PTPRD: variants seen among roughly 807,000 people sequenced by gnomAD.
PTPRD encodes receptor-type tyrosine-protein phosphatase delta.
PTPRD carries 34 observed loss-of-function variants against 214.5 expected under a neutral mutation model. The observed-to-expected ratio is 0.16, with a 90% CI of 0.12 to 0.21. PTPRD has a LOEUF of 0.21. Among genes scored for constraint, PTPRD ranks in the 10% least tolerant of loss-of-function variants. The probability of loss-of-function intolerance (pLI) is 1.00; values close to 1 mark genes in which losing one functional copy is unlikely to be tolerated. For missense variants in PTPRD, 2,545 were observed against 2,398.7 expected (o/e 1.06, Z -1.27); for synonymous variants, 1,128 against 845.7 (o/e 1.33, Z -5.79).
Position 9,333,507 on chromosome 9 carries a change from TA to T in PTPRD, c.-203+63941del, listed in dbSNP as rs1404694415. Among the ~76,000 whole-genome samples, 12 of 48,236 alleles carry T rather than the reference TA, an allele frequency of 2.5e-4. 1 individual carries two copies. The highest frequency in any genetic ancestry group is 5.3e-4 in the African/African-American group (8 of 15,038). 31.6% of individuals were successfully genotyped at this position (48,236 alleles called of 152,430 possible). A position where few individuals can be genotyped will look rare whatever the true frequency, so the allele number is the denominator to read the frequency against. On this transcript the variant is annotated intron_variant, in intron 9 of 45. Transcript: ENST00000381196. The stretch of plus-strand genomic sequence containing the variant: ...AACATATATATTATATAGTATATTA[TA>T]TATATATATATATATATAAAGTCTG...
chr9:8,814,719 G>A (rs2096885296), intron 11 of PTPRD, among the ~76,000 whole-genome samples: 2 of 152,320 alleles, frequency 1.3e-5, no homozygotes, highest in Admixed American at 6.5e-5. Context: ...AGGAAGAAGT[G>A]AGGTCCTTCA....
At chr9:8,603,135 A>G (rs1301867776) in intron 14 of PTPRD, among the ~76,000 whole-genome samples, 2 of 152,200 alleles carry the variant, frequency 1.3e-5, no homozygotes, top group African/African-American at 4.8e-5. Context: ...TATAATCCTT[A>G]CCAGAAACTA....
chr9:10,511,358 C>T (rs572349401), intron 2 of PTPRD, among the ~76,000 whole-genome samples: 17 of 152,044 alleles, frequency 1.1e-4, no homozygotes, highest in South Asian at 6.2e-4. Context: ...TCTTCCAAAG[C>T]GGTTGTACCA....
chr9:10,238,208 G>A lies in PTPRD; in HGVS notation c.-545+102755C>T, dbSNP rs151095794. On this transcript the variant is annotated intron_variant, in intron 3 of 45. Transcript: ENST00000381196. The stretch of plus-strand genomic sequence containing the variant: ...AGGACAGGAAGAAAAAGCACTCAGG[G>A]CACATAACGTTGCTTCAATAATGTA... Among the ~76,000 whole-genome samples the A allele has an allele frequency of 3.8e-3, 569 of 151,372 alleles. 6 individuals carry two copies. The highest frequency in any genetic ancestry group is 0.013 in the African/African-American group (530 of 41,388).
At chr9:9,141,768 T>G (rs1427664611) in intron 10 of PTPRD, among the ~76,000 whole-genome samples, 1 of 151,082 alleles carries the variant, frequency 6.6e-6, no homozygotes, top group African/African-American at 2.4e-5. Context: ...CATATTAATA[T>G]AAACATATTC....
intron 5 of PTPRD, among the ~76,000 whole-genome samples, chr9:9,822,517 A>G (rs1393658501): frequency 1.3e-5 from 2 of 148,282 alleles, no homozygotes; most frequent in East Asian, 1.9e-4. Context: ...TAATATATAC[A>G]TAATATATTA....
At chr9:9,878,001 G>A (rs1426454615) in intron 5 of PTPRD, among the ~76,000 whole-genome samples, 1 of 141,664 alleles carries the variant, frequency 7.1e-6, no homozygotes, top group East Asian at 2.1e-4. Context: ...AAAAATGCAT[G>A]TTTGCCCTTC....
intron 30 of PTPRD, among the ~76,000 whole-genome samples, chr9:8,482,044 G>C (rs2096898515): frequency 6.6e-6 from 1 of 151,960 alleles, no homozygotes; most frequent in Admixed American, 6.6e-5. Flanking sequence ...GCCTCCCAAA[G>C]TGCTGGGATT....
At chr9:8,584,692 A>G (rs1400445687) in intron 14 of PTPRD, among the ~76,000 whole-genome samples, 1 of 152,204 alleles carries the variant, frequency 6.6e-6, no homozygotes, top group African/African-American at 2.4e-5. Flanking sequence ...GGGTGTAAAT[A>G]TAACAAACAG....
intron 10 of PTPRD, among the ~76,000 whole-genome samples, chr9:9,071,863 G>C (rs1337908948): frequency 6.6e-6 from 1 of 152,144 alleles, no homozygotes; most frequent in Non-Finnish European, 1.5e-5. Flanking sequence ...GAAAAGTAAA[G>C]CGCTTTGTAA....
At position 10,554,380 on chromosome 9, in the gene PTPRD, C is replaced by T. The variant is rs544135172; in HGVS notation, c.-600+58018G>A. Among the ~76,000 whole-genome samples, 295 of 152,274 alleles carry T rather than the reference C, an allele frequency of 1.9e-3. 1 individual carries two copies. The highest frequency in any genetic ancestry group is 3.4e-3 in the Middle Eastern group (1 of 294). Reference sequence around the variant, plus strand: ...CAGGACCATTTCCAGGTGCAATCTTCTTAGCTCCATACTTTTTCATATCTG... The same window carrying T: ...CAGGACCATTTCCAGGTGCAATCTTTTTAGCTCCATACTTTTTCATATCTG... On this transcript the variant is annotated intron_variant, in intron 2 of 45. Coordinates refer to ENST00000381196, the MANE Select transcript of PTPRD (RefSeq NM_002839.4).
intron 11 of PTPRD, among the ~76,000 whole-genome samples, chr9:8,748,366 G>C (rs1339130626): frequency 2.0e-5 from 3 of 151,756 alleles, no homozygotes; most frequent in African/African-American, 7.3e-5. Context: ...TAAAGAAATA[G>C]CCAATCATCT....
chr9:10,031,665 C>CACACACACACACACAT (rs2097079378), intron 4 of PTPRD, among the ~76,000 whole-genome samples: 1 of 116,594 alleles, frequency 8.6e-6, no homozygotes, highest in Non-Finnish European at 1.7e-5. Context: ...CACACACACA[C>CACACACACACACACAT]ATACACACAC....
At chr9:9,438,744 T>C (rs777203713) in intron 8 of PTPRD, among the ~76,000 whole-genome samples, 3 of 152,152 alleles carry the variant, frequency 2.0e-5, no homozygotes, top group Non-Finnish European at 4.4e-5. Context: ...GAGAAGAAAA[T>C]TATGTACTAA....
At chr9:10,560,148 G>A (rs2063550332) in intron 2 of PTPRD, among the ~76,000 whole-genome samples, 2 of 152,076 alleles carry the variant, frequency 1.3e-5, no homozygotes. Context: ...GCAAAGACAT[G>A]GAACCAACCC....
chr9:10,353,512 C>T (rs2097216875), intron 2 of PTPRD, among the ~76,000 whole-genome samples: 1 of 151,862 alleles, frequency 6.6e-6, no homozygotes, highest in Non-Finnish European at 1.5e-5. Flanking sequence ...TCTTACCACT[C>T]CTGCCAACCT....
chr9:10,090,299 G>A (rs1381329712), intron 3 of PTPRD, among the ~76,000 whole-genome samples: 1 of 151,486 alleles, frequency 6.6e-6, no homozygotes. Flanking sequence ...AGACAATGTG[G>A]AATTAGCCAG....
intron 3 of PTPRD, among the ~76,000 whole-genome samples, chr9:10,072,969 T>C (rs1420651234): frequency 6.6e-6 from 1 of 152,154 alleles, no homozygotes; most frequent in African/African-American, 2.4e-5. Context: ...AATTGTGGTA[T>C]ATCCATAGAG....
At chr9:9,138,782 C>T (rs1052128326) in intron 10 of PTPRD, among the ~76,000 whole-genome samples, 10 of 151,954 alleles carry the variant, frequency 6.6e-5, no homozygotes, top group African/African-American at 2.2e-4. Flanking sequence ...TAATGTTTGG[C>T]ATTAATAAGC....
Sources: gnomAD v4.1 joint callset for allele counts (sites outside exome capture counted in the v4.1 genomes callset) on GRCh38, gnomAD v4.1.1 for gene constraint, MANE v1.5 for transcripts, NCBI Gene and HGNC (gene_info 2026-07-23, HGNC 2026-07-21) for gene names.